The following SLCO1B3 variants were observed in gnomAD, a reference collection of about 807,000 sequenced individuals.
SLCO1B3 encodes the protein solute carrier organic anion transporter family member 1B3.
In SLCO1B3, 72 loss-of-function variants were observed where a neutral mutation model predicts 71.8. That is an observed-to-expected ratio of 1.00 (90% CI 0.83 to 1.22). The LOEUF is 1.22. SLCO1B3 is among the 50% of genes most tolerant of loss of function. The probability of loss-of-function intolerance (pLI) is 0.00; values close to 1 mark genes in which losing one functional copy is unlikely to be tolerated. For missense variants in SLCO1B3, 911 were observed against 819.7 expected (o/e 1.11, Z -1.36); for synonymous variants, 298 against 278.4 (o/e 1.07, Z -0.70).
intron 13 of SLCO1B3, among the ~76,000 whole-genome samples, chr12:20,889,833 A>C (rs1329161337): frequency 1.3e-5 from 2 of 152,022 alleles, no homozygotes; most frequent in East Asian, 3.9e-4. Flanking sequence ...TAATGCTACA[A>C]ACTTCCCTCT....
rs140353351 is a variant in SLCO1B3, at chr12:20,862,414, T to C, written c.484T>C (p.Cys162Arg). ...AAAACACTCTCTTGTCTCGATAGAT[T>C]GTGTAAAGGAATCTGGGTCACACAT... ...GTSPEIVEKD[C>R]VKESGSHMWI... The change falls in exon 7 of 16, where the codon TGT (cysteine) becomes CGT (arginine). Residue 162 changes from cysteine to arginine, a missense_variant and splice_region_variant. By Grantham distance (180) the Cys-to-Arg change is radical. Coordinates refer to ENST00000381545, the MANE Select transcript of SLCO1B3 (RefSeq NM_019844.4). 2 of 1,606,438 alleles carry C rather than the reference T, an allele frequency of 1.2e-6. No individual in the cohort carries two copies. Among genetic ancestry groups the C allele is most frequent in the African/African-American group, 1.3e-5 (1 of 74,746 alleles).
rs1482993171 is a variant in SLCO1B3, at chr12:20,916,110, G to T, written c.1972G>T (p.Ala658Ser). Residue 658 changes from alanine (A) to serine (S), a missense_variant, in exon 16 of 16, where the codon GCA becomes TCA. Transcript: ENST00000381545. Reference sequence around the variant, plus strand: ...AAAATTTCAAGGAAAAGATACCAAGGCATCGGACAATGAAAGAAAAGTAAT... The same window carrying T: ...AAAATTTCAAGGAAAAGATACCAAGTCATCGGACAATGAAAGAAAAGTAAT... ...KKKFQGKDTK[A>S]SDNERKVMDE... The T allele has an allele frequency of 6.2e-7, 1 of 1,613,334 alleles. No individual in the cohort carries two copies. Among genetic ancestry groups the T allele is most frequent in the South Asian group, 1.1e-5 (1 of 91,056 alleles).
chr12:20,844,624 C>A (rs943377571), intron 3 of SLCO1B3, among the ~76,000 whole-genome samples: 7 of 151,958 alleles, frequency 4.6e-5, no homozygotes, highest in African/African-American at 1.7e-4. Flanking sequence ...CATTCAGGAG[C>A]AGATTGTTTA....
At chr12:20,912,143 A>G (rs1866391374) in intron 15 of SLCO1B3, among the ~76,000 whole-genome samples, 2 of 151,842 alleles carry the variant, frequency 1.3e-5, no homozygotes, top group African/African-American at 2.4e-5. Context: ...TTTCATCTTG[A>G]CCCATATGTT....
chr12:20,844,208 A>G (rs1431545817), intron 3 of SLCO1B3, among the ~76,000 whole-genome samples: 2 of 152,080 alleles, frequency 1.3e-5, no homozygotes, highest in African/African-American at 4.8e-5. Context: ...ATATTTATAT[A>G]TACATAAGTG....
At chr12:20,910,174 A>G (rs1866345662) in intron 15 of SLCO1B3, among the ~76,000 whole-genome samples, 1 of 152,072 alleles carries the variant, frequency 6.6e-6, no homozygotes, top group South Asian at 2.1e-4. Flanking sequence ...TTGCATGTGG[A>G]TATCTAATTG....
intron 3 of SLCO1B3, among the ~76,000 whole-genome samples, chr12:20,830,368 A>G (rs1014400903): frequency 6.6e-6 from 1 of 152,190 alleles, no homozygotes; most frequent in African/African-American, 2.4e-5. Flanking sequence ...TGAGGGCTTC[A>G]ATATTTAAAG....
In SLCO1B3 at chr12:20,861,022, G is replaced by C; in HGVS notation, c.365G>C (p.Arg122Thr). The change falls in exon 6 of 16, where the codon AGG becomes ACG. Residue 122 changes from arginine to threonine, a missense_variant. By Grantham distance (71) the Arg-to-Thr change is moderately conservative. Coordinates refer to ENST00000381545, the MANE Select transcript of SLCO1B3 (RefSeq NM_019844.4). Reference protein sequence around the residue: ...SLPHFFMGYYRYSKETHINPS... With the variant: ...SLPHFFMGYYTYSKETHINPS... Reference sequence around the variant, plus strand: ...ATTTCATGTTGCTCTTACAGTTATAGGTATTCTAAAGAAACCCATATTAAT... The same window carrying C: ...ATTTCATGTTGCTCTTACAGTTATACGTATTCTAAAGAAACCCATATTAAT... 1 of 1,574,170 alleles carries C rather than the reference G, an allele frequency of 6.4e-7. No homozygotes were observed. The highest frequency in any genetic ancestry group is 8.7e-7 in the Non-Finnish European group (1 of 1,155,756).
intron 2 of SLCO1B3, among the ~76,000 whole-genome samples, chr12:20,814,976 C>CTTTTTTTTTTT (rs1297703814): frequency 1.7e-5 from 2 of 117,108 alleles, no homozygotes; most frequent in African/African-American, 3.0e-5. Context: ...CTTTTCTTTT[C>CTTTTTTTTTTT]TTTTCTTTTT....
chr12:20,900,889 A>G (rs1295203139), intron 14 of SLCO1B3, among the ~76,000 whole-genome samples: 1 of 152,210 alleles, frequency 6.6e-6, no homozygotes, highest in South Asian at 2.1e-4. Context: ...TTAAAATAGT[A>G]TTAAAATCTC....
chr12:20,825,960 C>T (rs377537775), intron 3 of SLCO1B3, among the ~76,000 whole-genome samples: 12 of 151,844 alleles, frequency 7.9e-5, no homozygotes, highest in East Asian at 3.9e-4. Flanking sequence ...ATAAGAATAA[C>T]GAATTATTTT....
At chr12:20,887,099 AT>A (rs1865806139) in intron 13 of SLCO1B3, among the ~76,000 whole-genome samples, 1 of 152,096 alleles carries the variant, frequency 6.6e-6, no homozygotes, top group South Asian at 2.1e-4. Context: ...TATATACAAA[AT>A]TTTTAATCTA....
intron 5 of SLCO1B3, among the ~76,000 whole-genome samples, chr12:20,859,953 C>CTTTTTTTTTTTT (rs768328762): frequency 8.5e-6 from 1 of 118,004 alleles, no homozygotes; most frequent in African/African-American, 3.2e-5. Flanking sequence ...CTGATCATTT[C>CTTTTTTTTTTTT]TTTTTTTTTT....
chr12:20,851,172 T>C (rs1353720393), intron 3 of SLCO1B3, among the ~76,000 whole-genome samples: 1 of 152,210 alleles, frequency 6.6e-6, no homozygotes, highest in Non-Finnish European at 1.5e-5. Context: ...TTGAATTTCT[T>C]TGAATATATA....
chr12:20,814,693 A>C (rs11608908), intron 2 of SLCO1B3, among the ~76,000 whole-genome samples: 15,401 of 152,172 alleles, frequency 0.1, 1,052 homozygotes, highest in Middle Eastern at 0.17. Flanking sequence ...GATCGAGACC[A>C]TGCTGGCTAA....
chr12:20,899,341 T>C (rs1398690383), intron 14 of SLCO1B3, among the ~76,000 whole-genome samples: 1 of 152,128 alleles, frequency 6.6e-6, no homozygotes, highest in Admixed American at 6.5e-5. Context: ...ATCATTCATC[T>C]AGGGATTGGT....
chr12:20,875,124 T>G, intron 8 of SLCO1B3, 111 bp from the exon 9 acceptor site: 5 of 1,258,536 alleles, frequency 4.0e-6, no homozygotes, highest in Non-Finnish European at 5.7e-6. Flanking sequence ...AAAGTAAACA[T>G]TTGGTTTACT....
chr12:20,880,838 C>G lies in SLCO1B3; in HGVS notation c.1332-17C>G. The G allele has an allele frequency of 1.3e-6, 2 of 1,536,084 alleles. No homozygotes were observed. Among genetic ancestry groups the G allele is most frequent in the South Asian group, 1.2e-5 (1 of 83,878 alleles). ...CTCTTTCTCTTTTTTTGATATATTTCTATCATATATTTTCAGAAATAATTC... is the reference window on the plus strand; with the variant it reads ...CTCTTTCTCTTTTTTTGATATATTTGTATCATATATTTTCAGAAATAATTC... On this transcript the variant is annotated splice_polypyrimidine_tract_variant and intron_variant, in intron 11 of 15. Transcript: ENST00000381545.
rs373647580 is a variant in SLCO1B3 at position 20,834,500 on chromosome 12, T to C, written c.84+18678T>C. Among the ~76,000 whole-genome samples the C allele has an allele frequency of 1.1e-3, 159 of 147,858 alleles. 4 individuals carry two copies. In the South Asian group the frequency reaches 0.033, roughly 31 times the overall value. ...ATATATTATAATATATATTATGATA[T>C]GTAACATATGTATTTATCCTATATT... On this transcript the variant is annotated intron_variant, in intron 3 of 15. Transcript: ENST00000381545.
Sources: gnomAD v4.1 joint callset for allele counts (sites outside exome capture counted in the v4.1 genomes callset) on GRCh38, gnomAD v4.1.1 for gene constraint, MANE v1.5 for transcripts, NCBI Gene and HGNC (gene_info 2026-07-23, HGNC 2026-07-21) for gene names.